VTI1A: variants seen among roughly 807,000 people sequenced by gnomAD.
VTI1A encodes vesicle transport through interaction with t-SNAREs 1A.
A neutral mutation model predicts 34.9 loss-of-function variants in VTI1A; 22 were observed. The observed-to-expected ratio is 0.63, with a 90% CI of 0.45 to 0.90. The LOEUF (loss-of-function observed/expected upper bound fraction) is 0.90, where lower values mean the gene tolerates loss of function less well. Ranked by LOEUF, VTI1A falls within the 40% of genes least tolerant of loss-of-function variation. VTI1A has a pLI of 0.00. For synonymous variants in VTI1A, 87 were observed against 97.3 expected (o/e 0.89, Z 0.62); for missense variants, 268 against 275.6 (o/e 0.97, Z 0.20).
chr10:112,813,333 C>A (rs1853385429), intron 7 of VTI1A, among the ~76,000 whole-genome samples: 1 of 152,200 alleles, frequency 6.6e-6, no homozygotes, highest in Admixed American at 6.5e-5. Context: ...GCCCTCAACC[C>A]ACAAATAAAA....
intron 7 of VTI1A, among the ~76,000 whole-genome samples, chr10:112,760,662 G>A (rs4411226): frequency 0.018 from 2,741 of 152,188 alleles, 75 homozygotes; most frequent in African/African-American, 0.063. Context: ...AGGCCAAGGC[G>A]GGCAGATCAC....
chr10:112,545,551 C>G (rs936600128), intron 5 of VTI1A, among the ~76,000 whole-genome samples: 1 of 152,130 alleles, frequency 6.6e-6, no homozygotes, highest in African/African-American at 2.4e-5. Flanking sequence ...TCATTTTGGT[C>G]AATTTTGCAT....
At chr10:112,573,245 A>G (rs1209411317) in intron 5 of VTI1A, among the ~76,000 whole-genome samples, 3 of 152,152 alleles carry the variant, frequency 2.0e-5, no homozygotes, top group South Asian at 2.1e-4. Context: ...CTCACTGCCT[A>G]TGTACCTGTC....
chr10:112,526,121 T>G (rs1288659508), intron 3 of VTI1A, among the ~76,000 whole-genome samples: 1 of 152,186 alleles, frequency 6.6e-6, no homozygotes, highest in African/African-American at 2.4e-5. Context: ...AAATCTGAAT[T>G]TAGGTCTGAA....
At chr10:112,665,299 T>TG (rs1040909422) in intron 5 of VTI1A, among the ~76,000 whole-genome samples, 5 of 131,910 alleles carry the variant, frequency 3.8e-5, no homozygotes, top group African/African-American at 1.1e-4. Context: ...GGCCCCACAG[T>TG]GGGGGAAAAA....
At chr10:112,742,271 G>A (rs183512405) in intron 7 of VTI1A, among the ~76,000 whole-genome samples, 6 of 152,232 alleles carry the variant, frequency 3.9e-5, no homozygotes, top group Admixed American at 3.9e-4. Flanking sequence ...CTTGACTTTT[G>A]CCCTTATAAA....
intron 7 of VTI1A, among the ~76,000 whole-genome samples, chr10:112,752,802 C>T (rs1851145614): frequency 2.6e-5 from 4 of 152,086 alleles, no homozygotes; most frequent in African/African-American, 9.7e-5. Context: ...AAAATTCATC[C>T]CATTGGGGTT....
chr10:112,556,943 G>A (rs1851562844), intron 5 of VTI1A, among the ~76,000 whole-genome samples: 3 of 151,972 alleles, frequency 2.0e-5, no homozygotes, highest in South Asian at 4.1e-4. Flanking sequence ...AGAAAACTGA[G>A]TCTTGATGTC....
intron 5 of VTI1A, among the ~76,000 whole-genome samples, chr10:112,643,548 T>C (rs961884576): frequency 2.0e-5 from 3 of 152,074 alleles, no homozygotes; most frequent in African/African-American, 7.3e-5. Flanking sequence ...TCCTTTGTTA[T>C]ATCTTATGAG....
chr10:112,500,675 G>C (rs2419639), intron 3 of VTI1A, among the ~76,000 whole-genome samples: 3,679 of 152,146 alleles, frequency 0.024, 147 homozygotes, highest in African/African-American at 0.084. Context: ...GTAGGCATCT[G>C]AGTTTGCTTC....
chr10:112,749,463 T>C (rs1851026049), intron 7 of VTI1A, among the ~76,000 whole-genome samples: 1 of 152,246 alleles, frequency 6.6e-6, no homozygotes, highest in Non-Finnish European at 1.5e-5. Flanking sequence ...AAGGGTTGAA[T>C]GCTGCTTCAC....
intron 5 of VTI1A, among the ~76,000 whole-genome samples, chr10:112,643,164 C>CTTT (rs71035393): frequency 4.0e-5 from 5 of 126,500 alleles, no homozygotes; most frequent in Non-Finnish European, 4.8e-5. Context: ...TTTTTTTTTT[C>CTTT]TTTTTTTTTT....
chr10:112,457,499 T>C (rs983170287), intron 1 of VTI1A, among the ~76,000 whole-genome samples: 1 of 152,030 alleles, frequency 6.6e-6, no homozygotes, highest in Non-Finnish European at 1.5e-5. Context: ...TACAAGGGGG[T>C]GATTAACTCT....
At chr10:112,623,494 A>G (rs1845807903) in intron 5 of VTI1A, among the ~76,000 whole-genome samples, 1 of 143,042 alleles carries the variant, frequency 7.0e-6, no homozygotes, top group Non-Finnish European at 1.5e-5. Flanking sequence ...GGACCACTTG[A>G]TATCTCAGCC....
chr10:112,787,821 C>G (rs965886612), intron 7 of VTI1A, among the ~76,000 whole-genome samples: 3 of 150,222 alleles, frequency 2.0e-5, no homozygotes, highest in Admixed American at 6.6e-5. Context: ...CTTGCCTCAG[C>G]CTCCCAAGTA....
At chr10:112,826,171 A>G in the VTI1A span, 1 of 152,204 alleles carries the variant, frequency 6.6e-6, no homozygotes, top group South Asian at 2.1e-4. Flanking sequence ...AAACTAGATC[A>G]TTAACACTGC....
At chr10:112,606,305 G>A (rs771989260) in intron 5 of VTI1A, among the ~76,000 whole-genome samples, 7 of 151,998 alleles carry the variant, frequency 4.6e-5, no homozygotes, top group Non-Finnish European at 7.4e-5. Context: ...GATTACAGAC[G>A]TGAGCCACCG....
chr10:112,524,559 C>T (rs1048642152), intron 3 of VTI1A, among the ~76,000 whole-genome samples: 3 of 151,538 alleles, frequency 2.0e-5, no homozygotes, highest in Non-Finnish European at 2.9e-5. Flanking sequence ...CCTTAGTTCT[C>T]CTCTGTTGCT....
chr10:112,593,990 A>G (rs1844508861), intron 5 of VTI1A, among the ~76,000 whole-genome samples: 1 of 152,048 alleles, frequency 6.6e-6, no homozygotes, highest in Non-Finnish European at 1.5e-5. Context: ...GCTCACTGCA[A>G]GCTCTGTCTC....
Sources: gnomAD v4.1 joint callset for allele counts (sites outside exome capture counted in the v4.1 genomes callset) on GRCh38, gnomAD v4.1.1 for gene constraint, MANE v1.5 for transcripts, NCBI Gene and HGNC (gene_info 2026-07-23, HGNC 2026-07-21) for gene names.